ZNF385B: variants seen among roughly 807,000 people sequenced by gnomAD.
ZNF385B encodes the protein zinc finger protein 385B, also known as zinc finger protein 533.
ZNF385B carries 23 observed loss-of-function variants against 39.2 expected under a neutral mutation model. The observed-to-expected ratio is 0.59, with a 90% CI of 0.42 to 0.83. The LOEUF (loss-of-function observed/expected upper bound fraction) is 0.83, where lower values mean the gene tolerates loss of function less well. Among genes scored for constraint, ZNF385B ranks in the 40% least tolerant of loss-of-function variants. ZNF385B has a pLI of 0.00. For missense variants in ZNF385B, 552 were observed against 598.9 expected (o/e 0.92, Z 0.82); for synonymous variants, 205 against 222.6 (o/e 0.92, Z 0.70).
intron 3 of ZNF385B, among the ~76,000 whole-genome samples, chr2:179,608,894 G>A (rs1325645352): frequency 8.6e-6 from 1 of 115,730 alleles, no homozygotes; most frequent in Non-Finnish European, 1.8e-5. Flanking sequence ...GTGTGTGTGT[G>A]TATTTAATTT....
At chr2:179,810,978 T>C (rs898996114) in intron 1 of ZNF385B, among the ~76,000 whole-genome samples, 3 of 152,112 alleles carry the variant, frequency 2.0e-5, no homozygotes, top group Non-Finnish European at 4.4e-5. Context: ...ACAAAATCAA[T>C]GTAGAAAAAT....
intron 6 of ZNF385B, among the ~76,000 whole-genome samples, chr2:179,461,185 T>C (rs562646917): frequency 1.3e-5 from 2 of 152,284 alleles, no homozygotes; most frequent in South Asian, 4.1e-4. Context: ...ACATACAGCC[T>C]GGTAGAGCAT....
intron 3 of ZNF385B, among the ~76,000 whole-genome samples, chr2:179,759,765 G>T (rs1319419350): frequency 6.6e-6 from 1 of 151,924 alleles, no homozygotes; most frequent in Non-Finnish European, 1.5e-5. Flanking sequence ...ATACCATATT[G>T]CAATTCACTT....
At chr2:179,521,519 C>T (rs1342950719) in intron 4 of ZNF385B, among the ~76,000 whole-genome samples, 1 of 151,740 alleles carries the variant, frequency 6.6e-6, no homozygotes, top group Non-Finnish European at 1.5e-5. Flanking sequence ...TTTATTCTGC[C>T]CAAATCTCAC....
At chr2:179,658,862 T>C (rs1694115118) in intron 3 of ZNF385B, among the ~76,000 whole-genome samples, 1 of 152,138 alleles carries the variant, frequency 6.6e-6, no homozygotes, top group Non-Finnish European at 1.5e-5. Flanking sequence ...ACCGCAACTT[T>C]CGCCTCCCCG....
In ZNF385B at chr2:179,565,708, A is replaced by T. The variant is rs558867017; in HGVS notation, c.299-20739T>A. Reference sequence around the variant, plus strand: ...TTCTCATGCTGTCATGCCTCCCAGGATGCTCGTCCCTTTTTGTCTCCTTTT... The same window carrying T: ...TTCTCATGCTGTCATGCCTCCCAGGTTGCTCGTCCCTTTTTGTCTCCTTTT... On this transcript the variant is annotated intron_variant, in intron 3 of 9. Transcript: ENST00000410066. Among the ~76,000 whole-genome samples, 3 of 152,260 alleles carry T rather than the reference A, an allele frequency of 2.0e-5. No individual in the cohort carries two copies. The South Asian group carries it at 6.2e-4, about 32-fold the overall frequency.
chr2:179,773,167 T>C (rs1051085426), intron 1 of ZNF385B, among the ~76,000 whole-genome samples: 2 of 152,134 alleles, frequency 1.3e-5, no homozygotes, highest in Non-Finnish European at 2.9e-5. Flanking sequence ...AATTGTTTTC[T>C]ATAATAATTT....
chr2:179,642,101 T>C (rs924276468), intron 3 of ZNF385B, among the ~76,000 whole-genome samples: 5 of 152,100 alleles, frequency 3.3e-5, no homozygotes, highest in African/African-American at 1.2e-4. Context: ...ATTGAAAACT[T>C]TGGTCTGAAA....
Position 179,638,475 on chromosome 2 carries a change from T to C in ZNF385B, c.299-93506A>G, listed in dbSNP as rs1691962597. Among the ~76,000 whole-genome samples, 4 of 152,104 alleles carry C rather than the reference T, an allele frequency of 2.6e-5. No homozygotes were observed. The South Asian group carries it at 8.3e-4, about 32-fold the overall frequency. ...CGTGTGTGTTGTAGGACTGAGGAAA[T>C]AAATAAATATGTTGATATTGTGGTG... On this transcript the variant is annotated intron_variant, in intron 3 of 9. Coordinates refer to ENST00000410066, the MANE Select transcript of ZNF385B (RefSeq NM_152520.6).
chr2:179,848,928 T>C (rs937524247), intron 1 of ZNF385B, among the ~76,000 whole-genome samples: 3 of 152,200 alleles, frequency 2.0e-5, no homozygotes, highest in African/African-American at 7.2e-5. Flanking sequence ...ATAGCAGCTA[T>C]CGTTTCTAAG....
intron 1 of ZNF385B, among the ~76,000 whole-genome samples, chr2:179,771,158 G>C (rs1159826821): frequency 6.6e-6 from 1 of 152,048 alleles, no homozygotes; most frequent in African/African-American, 2.4e-5. Flanking sequence ...ACTTCTTATA[G>C]AACAAACTCA....
At chr2:179,818,194 G>A (rs1376545585) in intron 1 of ZNF385B, among the ~76,000 whole-genome samples, 1 of 152,156 alleles carries the variant, frequency 6.6e-6, no homozygotes. Context: ...ATCCTATGTG[G>A]TAGGAGAGAT....
chr2:179,754,041 C>A (rs1194986826), intron 3 of ZNF385B, among the ~76,000 whole-genome samples: 2 of 152,136 alleles, frequency 1.3e-5, no homozygotes, highest in Non-Finnish European at 2.9e-5. Flanking sequence ...CCAGTTTTTG[C>A]CCATTCAGTA....
chr2:179,502,216 T>G (rs568579653), intron 5 of ZNF385B, among the ~76,000 whole-genome samples: 2 of 152,332 alleles, frequency 1.3e-5, no homozygotes, highest in Admixed American at 1.3e-4. Flanking sequence ...TTGCCTTGTC[T>G]CAGGTGAGAC....
intron 3 of ZNF385B, among the ~76,000 whole-genome samples, chr2:179,589,675 A>G (rs1687389385): frequency 6.6e-6 from 1 of 152,164 alleles, no homozygotes; most frequent in Non-Finnish European, 1.5e-5. Flanking sequence ...AGAGTTTTAA[A>G]ATAATTAACC....
At chr2:179,667,420 T>C (rs532061504) in intron 3 of ZNF385B, among the ~76,000 whole-genome samples, 2 of 152,196 alleles carry the variant, frequency 1.3e-5, no homozygotes, top group South Asian at 4.1e-4. Context: ...CACCATTTTG[T>C]AGTTAAGGCA....
intron 3 of ZNF385B, among the ~76,000 whole-genome samples, chr2:179,740,104 G>A (rs529259570): frequency 6.6e-6 from 1 of 152,178 alleles, no homozygotes; most frequent in African/African-American, 2.4e-5. Context: ...TCAAAATGTA[G>A]CCTGCCCTCT....
intron 1 of ZNF385B, among the ~76,000 whole-genome samples, chr2:179,781,274 T>C (rs1704648741): frequency 6.6e-6 from 1 of 152,180 alleles, no homozygotes; most frequent in African/African-American, 2.4e-5. Context: ...TAAGACAGTC[T>C]GGTTTTGGCC....
chr2:179,683,058 A>T lies in ZNF385B; in HGVS notation c.298+86445T>A, dbSNP rs918845438. 5.9e-5 allele frequency among the ~76,000 whole-genome samples: 9 copies of T among 152,276 alleles called. No homozygotes were observed. In the East Asian group the frequency reaches 1.5e-3, roughly 26 times the overall value. On this transcript the variant is annotated intron_variant, in intron 3 of 9. Transcript: ENST00000410066. ...ACCTGCCAAATATTAGGTACAATTA[A>T]AAAAAGTCCCCCACAGTCACACATA...
Sources: allele counts gnomAD v4.1 joint callset (sites outside exome capture counted in the v4.1 genomes callset), GRCh38; gene constraint gnomAD v4.1.1; transcripts MANE v1.5; gene names NCBI Gene and HGNC (gene_info 2026-07-23, HGNC 2026-07-21).